The following RGS12 variants were observed in gnomAD, a reference collection of about 807,000 sequenced individuals.
RGS12 encodes regulator of G protein signaling 12, also known as regulator of G-protein signaling 12.
RGS12 carries 66 observed loss-of-function variants against 120.1 expected under a neutral mutation model. The observed-to-expected ratio is 0.55, with a 90% confidence interval of 0.45 to 0.67. The LOEUF (loss-of-function observed/expected upper bound fraction) is 0.67. Ranked by LOEUF, RGS12 falls within the 30% of genes least tolerant of loss-of-function variation. The pLI is 0.00. For synonymous variants in RGS12, 827 were observed against 804.7 expected (o/e 1.03, Z -0.47); for missense variants, 1,859 against 1,957.7 (o/e 0.95, Z 0.95).
chr4:3,414,509 C>T, intron 5 of RGS12: 1 of 598,960 alleles, frequency 1.7e-6, no homozygotes, highest in Admixed American at 3.0e-5. Context: ...CTGGAGCTTC[C>T]TATCTGTGTT....
At chr4:3,349,698 C>T (rs1031644335) in intron 3 of RGS12, among the ~76,000 whole-genome samples, 1 of 152,112 alleles carries the variant, frequency 6.6e-6, no homozygotes, top group Admixed American at 6.5e-5. Context: ...ACCTTGGAAT[C>T]AGTATTTTAT....
chr4:3,415,705 G>A (rs1400299418), intron 6 of RGS12, among the ~76,000 whole-genome samples: 2 of 152,244 alleles, frequency 1.3e-5, no homozygotes, highest in Non-Finnish European at 2.9e-5. Context: ...GGTGTGTGGC[G>A]ACACACGGCA....
intron 17 of RGS12, among the ~76,000 whole-genome samples, chr4:3,435,294 AC>A (rs1724699851): frequency 6.6e-6 from 1 of 152,168 alleles, no homozygotes; most frequent in Admixed American, 6.5e-5. Flanking sequence ...ATTGTGTTGT[AC>A]CGGGTGAGGA....
At chr4:3,321,245 G>A (rs1725165695) in intron 2 of RGS12, among the ~76,000 whole-genome samples, 1 of 152,218 alleles carries the variant, frequency 6.6e-6, no homozygotes, top group Non-Finnish European at 1.5e-5. Flanking sequence ...GGGCGTGGGA[G>A]GCTTAGATAC....
chr4:3,352,338 A>T (rs767350769), intron 3 of RGS12, among the ~76,000 whole-genome samples: 2 of 152,208 alleles, frequency 1.3e-5, no homozygotes, highest in Non-Finnish European at 2.9e-5. Context: ...AGAAGAGGCG[A>T]GTCATGGAAG....
At chr4:3,359,553 TTTTC>T (rs1395369279) in intron 3 of RGS12, among the ~76,000 whole-genome samples, 1 of 146,038 alleles carries the variant, frequency 6.8e-6, no homozygotes, top group East Asian at 2.0e-4. Flanking sequence ...ATCAGGAGAT[TTTTC>T]TTTATTACTG....
chr4:3,338,307 G>A (rs1297188338), intron 2 of RGS12, among the ~76,000 whole-genome samples: 4 of 152,338 alleles, frequency 2.6e-5, no homozygotes, highest in African/African-American at 7.2e-5. Context: ...TGGTCCACCC[G>A]CCTCGGCCTC....
intron 1 of RGS12, among the ~76,000 whole-genome samples, chr4:3,309,183 T>C (rs1309633151): frequency 8.5e-4 from 4 of 4,682 alleles, no homozygotes; most frequent in East Asian, 7.6e-3. Context: ...GAGCTGGGAC[T>C]CGGGAATGGC....
chr4:3,286,726 C>G, the RGS12 span, among the ~76,000 whole-genome samples: 644 of 152,322 alleles, frequency 4.2e-3, 4 homozygotes, highest in South Asian at 8.9e-3. Context: ...CGGGGAAAGG[C>G]TCAGCGGGAA....
intron 17 of RGS12, chr4:3,432,165 C>T: frequency 2.0e-6 from 2 of 985,230 alleles, no homozygotes; most frequent in Non-Finnish European, 2.4e-6. Flanking sequence ...AAATTCTGGA[C>T]ATCATCACTG....
chr4:3,288,818 G>T (rs1722955067), upstream of RGS12, among the ~76,000 whole-genome samples: 1 of 152,176 alleles, frequency 6.6e-6, no homozygotes, highest in Non-Finnish European at 1.5e-5. The surrounding 1 kb of genome is among the most constrained non-coding windows in gnomAD (Gnocchi z 5.2). Context: ...GGCTTGCTGG[G>T]GGCCTCAGGG....
intron 11 of RGS12, 92 bp downstream of exon 11, chr4:3,422,662 C>G: frequency 7.4e-7 from 1 of 1,348,228 alleles, no homozygotes; most frequent in South Asian, 1.4e-5. Flanking sequence ...AGGCTGCCCC[C>G]TCCTGCGCTC....
intron 3 of RGS12, among the ~76,000 whole-genome samples, chr4:3,373,951 G>A (rs1426140722): frequency 6.6e-6 from 1 of 152,174 alleles, no homozygotes. Flanking sequence ...TGGACACCTT[G>A]TGCTGTAAGC....
At chr4:3,437,724 G>T (rs1473570824) in intron 17 of RGS12, among the ~76,000 whole-genome samples, 2 of 152,132 alleles carry the variant, frequency 1.3e-5, no homozygotes, top group Non-Finnish European at 2.9e-5. Context: ...CATCTCCACC[G>T]GGCCTGGCTG....
At chr4:3,396,618 G>A (rs566942278) in intron 4 of RGS12, among the ~76,000 whole-genome samples, 45 of 152,208 alleles carry the variant, frequency 3.0e-4, no homozygotes, top group African/African-American at 1.1e-3. Flanking sequence ...TGTTCCATTG[G>A]TCTGTTTGTC....
rs1346030612 is a variant in RGS12, at chr4:3,430,634, C to A, written c.3793C>A (p.Gln1265Lys). 5.0e-6 allele frequency: 8 copies of A among 1,605,480 alleles called. No individual in the cohort carries two copies. The highest frequency in any genetic ancestry group is 6.8e-6 in the Non-Finnish European group (8 of 1,175,920). Reference sequence around the variant, plus strand: ...GCCTGGCGAGCAGTGGGAGCCAGTCCAGGAGAGCAGCGACAGCCCGTCCAC... The same window carrying A: ...GCCTGGCGAGCAGTGGGAGCCAGTCAAGGAGAGCAGCGACAGCCCGTCCAC... ...SQPGEQWEPV[Q>K]ESSDSPSTSP... Residue 1265 changes from glutamine (Q) to lysine (K), a missense_variant, in exon 17 of 18, where the codon CAG (glutamine) becomes AAG (lysine). This residue lies in a region of RGS12 where 517 missense variants were observed against 488.5 expected (regional missense o/e 1.06). Coordinates refer to ENST00000336727, the MANE Select transcript of RGS12 (RefSeq NM_001394154.1).
chr4:3,376,502 TG>T (rs1480665703), intron 3 of RGS12, among the ~76,000 whole-genome samples: 4 of 152,026 alleles, frequency 2.6e-5, no homozygotes, highest in African/African-American at 4.8e-5. Context: ...GCTGCCACCC[TG>T]GGGGGAGACA....
chr4:3,435,206 C>CTTT (rs1724692464), intron 17 of RGS12, among the ~76,000 whole-genome samples: 1 of 152,130 alleles, frequency 6.6e-6, no homozygotes, highest in Non-Finnish European at 1.5e-5. Context: ...GCGATGTTTG[C>CTTT]CTGCCGGGGC....
At chr4:3,297,786 C>T (rs559767264) in intron 1 of RGS12, among the ~76,000 whole-genome samples, 111 of 152,290 alleles carry the variant, frequency 7.3e-4, no homozygotes, top group Non-Finnish European at 2.9e-4. Flanking sequence ...CTGCATTTCC[C>T]GCTGCTGTCC....
Sources: allele counts gnomAD v4.1 joint callset (sites outside exome capture counted in the v4.1 genomes callset), GRCh38; gene constraint gnomAD v4.1.1; regional missense constraint gnomAD v4.1.1; non-coding constraint Gnocchi (gnomAD v3.1); transcripts MANE v1.5; gene names NCBI Gene and HGNC (gene_info 2026-07-23, HGNC 2026-07-21).